RANBP17: variants seen among roughly 807,000 people sequenced by gnomAD.
The protein encoded by RANBP17 is RAN binding protein 17.
RANBP17 carries 158 observed loss-of-function variants against 141.2 expected under a neutral mutation model. The ratio of observed to expected loss-of-function variants is 1.12; its 90% confidence interval spans 0.98 to 1.28. The LOEUF (loss-of-function observed/expected upper bound fraction) is 1.28, where lower values mean the gene tolerates loss of function less well. Among genes scored for constraint, RANBP17 ranks in the 50% most tolerant of loss-of-function variants. RANBP17 has a pLI of 0.00. For synonymous variants in RANBP17, 430 were observed against 450.0 expected (o/e 0.96, Z 0.56); for missense variants, 1,438 against 1,290.7 (o/e 1.11, Z -1.75).
intron 2 of RANBP17, among the ~76,000 whole-genome samples, chr5:170,881,169 T>C (rs1768647166): frequency 6.6e-6 from 1 of 152,176 alleles, no homozygotes; most frequent in South Asian, 2.1e-4. Flanking sequence ...TCACAACCCA[T>C]GTAAAAACAG....
intron 21 of RANBP17, among the ~76,000 whole-genome samples, chr5:171,215,071 C>T (rs1378801072): frequency 6.6e-6 from 1 of 151,174 alleles, no homozygotes; most frequent in Non-Finnish European, 1.5e-5. Context: ...CATCCCCCAA[C>T]AGGCCCCGGT....
intron 14 of RANBP17, among the ~76,000 whole-genome samples, chr5:171,120,833 G>A (rs1327395509): frequency 6.6e-6 from 1 of 152,094 alleles, no homozygotes; most frequent in African/African-American, 2.4e-5. Context: ...TTTCAAAATT[G>A]CCTCTTCCAA....
rs554932735 is a variant in RANBP17 at position 171,295,607 on chromosome 5, G to A, written c.3043-280G>A. Among the ~76,000 whole-genome samples the A allele has an allele frequency of 3.3e-5, 5 of 152,264 alleles. No homozygotes were observed. The East Asian group carries it at 9.7e-4, about 29-fold the overall frequency. ...GAGAGTCAGGAAAAGCATGCATTCA[G>A]TCCCCCACAGAGGAGGCAAGGACTT... On this transcript the variant is annotated intron_variant, in intron 26 of 27. Transcript: ENST00000523189.
chr5:170,916,014 G>GTTGATGA (rs1306665226), intron 8 of RANBP17, among the ~76,000 whole-genome samples: 1 of 151,898 alleles, frequency 6.6e-6, no homozygotes, highest in Non-Finnish European at 1.5e-5. Flanking sequence ...GGTGGGAGTG[G>GTTGATGA]TTGATGATAT....
chr5:170,913,115 C>G (rs1771664008), intron 7 of RANBP17, among the ~76,000 whole-genome samples: 1 of 151,890 alleles, frequency 6.6e-6, no homozygotes, highest in South Asian at 2.1e-4. Context: ...CTTATCAAAT[C>G]TAAGATAGAA....
At chr5:171,252,256 C>T in intron 24 of RANBP17, 2 of 1,567,806 alleles carry the variant, frequency 1.3e-6, no homozygotes, top group African/African-American at 1.4e-5. Flanking sequence ...GCAAGAAAAA[C>T]AAAATGGCCG....
chr5:171,110,731 C>T lies in RANBP17; in HGVS notation c.1711-59399C>T, dbSNP rs147554561. Among the ~76,000 whole-genome samples, 399 of 151,974 alleles carry T rather than the reference C, an allele frequency of 2.6e-3. 2 individuals are homozygous for T. The highest frequency in any genetic ancestry group is 8.7e-3 in the African/African-American group (362 of 41,434). On this transcript the variant is annotated intron_variant, in intron 14 of 27. Coordinates refer to ENST00000523189, the MANE Select transcript of RANBP17 (RefSeq NM_022897.5). ...GATATAGAGTATTAAATTGTAGAAA[C>T]GTGATGAGACAGGGAAGTTCATTTT...
chr5:171,036,203 C>G (rs895994112), intron 14 of RANBP17, among the ~76,000 whole-genome samples: 2 of 152,152 alleles, frequency 1.3e-5, no homozygotes, highest in African/African-American at 4.8e-5. Flanking sequence ...CTGTGCCTCT[C>G]CCCAGTGTCT....
rs764864590 is a variant in RANBP17, at chr5:171,293,984, G to T, written c.3042+3G>T. The T allele has an allele frequency of 6.2e-7, 1 of 1,606,510 alleles. No homozygotes were observed. Among genetic ancestry groups the T allele is most frequent in the Non-Finnish European group, 8.5e-7 (1 of 1,173,132 alleles). Reference sequence around the variant, plus strand: ...GGCTCATCCTGCTCAATGAGAAGGTGAGTGTGATTGCAGGAAGTCACGGGA... The same window carrying T: ...GGCTCATCCTGCTCAATGAGAAGGTTAGTGTGATTGCAGGAAGTCACGGGA... On this transcript the variant is annotated splice_donor_region_variant and intron_variant, in intron 26 of 27. Transcript: ENST00000523189.
intron 24 of RANBP17, chr5:171,252,996 C>G: frequency 8.1e-7 from 1 of 1,232,850 alleles, no homozygotes; most frequent in South Asian, 1.2e-5. Context: ...GAGGGGGAAC[C>G]GTGATGAAGA....
intron 18 of RANBP17, among the ~76,000 whole-genome samples, 189 bp from the exon 19 acceptor site, chr5:171,199,481 T>C (rs1392999119): frequency 6.6e-6 from 1 of 152,162 alleles, no homozygotes; most frequent in African/African-American, 2.4e-5. Context: ...TGCTATTTCA[T>C]TTGATGCAAA....
At chr5:171,141,691 G>C (rs576470020) in intron 14 of RANBP17, among the ~76,000 whole-genome samples, 1 of 151,172 alleles carries the variant, frequency 6.6e-6, no homozygotes, top group African/African-American at 2.4e-5. Context: ...TGGAGAATTG[G>C]TTAAATTAAT....
intron 14 of RANBP17, among the ~76,000 whole-genome samples, chr5:171,006,875 A>C (rs1357519772): frequency 1.3e-5 from 2 of 152,046 alleles, no homozygotes; most frequent in African/African-American, 4.8e-5. Context: ...ATTTTCTTTA[A>C]GTTTGTCATA....
chr5:170,931,380 G>A (rs917042874), intron 12 of RANBP17, among the ~76,000 whole-genome samples: 8 of 152,126 alleles, frequency 5.3e-5, no homozygotes, highest in African/African-American at 1.4e-4. Flanking sequence ...CACTCTGATG[G>A]TAGTTTCTTT....
chr5:171,038,170 G>A (rs1782008078), intron 14 of RANBP17, among the ~76,000 whole-genome samples: 1 of 150,784 alleles, frequency 6.6e-6, no homozygotes, highest in Non-Finnish European at 1.5e-5. Context: ...TATTGTGTGT[G>A]TGTGTGTGTG....
chr5:171,010,292 A>C (rs1317371043), intron 14 of RANBP17, among the ~76,000 whole-genome samples: 3 of 152,204 alleles, frequency 2.0e-5, no homozygotes, highest in Non-Finnish European at 4.4e-5. Context: ...TGCTACGGAA[A>C]ACCTGAAATG....
intron 14 of RANBP17, among the ~76,000 whole-genome samples, chr5:170,985,114 AAC>A (rs1223795233): frequency 2.0e-5 from 3 of 149,924 alleles, no homozygotes; most frequent in Admixed American, 6.7e-5. Flanking sequence ...TATACACACA[AAC>A]ACATACATAC....
intron 18 of RANBP17, among the ~76,000 whole-genome samples, chr5:171,192,736 C>G (rs1446269376): frequency 6.6e-6 from 1 of 152,082 alleles, no homozygotes; most frequent in Non-Finnish European, 1.5e-5. Flanking sequence ...CAAAATGAGG[C>G]AAGTTTGGCT....
At chr5:171,089,236 C>G (rs1300883904) in intron 14 of RANBP17, among the ~76,000 whole-genome samples, 9 of 111,792 alleles carry the variant, frequency 8.1e-5, no homozygotes, top group East Asian at 3.6e-4. Context: ...TGTCAGTGTG[C>G]CCCTGCTGGG....
Sources: gnomAD v4.1 joint callset for allele counts (sites outside exome capture counted in the v4.1 genomes callset) on GRCh38, gnomAD v4.1.1 for gene constraint, MANE v1.5 for transcripts, NCBI Gene and HGNC (gene_info 2026-07-23, HGNC 2026-07-21) for gene names.